The following PLEKHA5 variants were observed in gnomAD, a reference collection of about 807,000 sequenced individuals.
PLEKHA5 encodes the protein pleckstrin homology domain-containing family A member 5.
PLEKHA5 carries 55 observed loss-of-function variants against 181.9 expected under a neutral mutation model. That is an observed-to-expected ratio of 0.30 (90% CI 0.24 to 0.38). The LOEUF (loss-of-function observed/expected upper bound fraction) is 0.38, where lower values mean the gene tolerates loss of function less well. PLEKHA5 is among the 10% of genes least tolerant of loss of function. The pLI is 1.00. For missense variants in PLEKHA5, 1,432 were observed against 1,549.5 expected (o/e 0.92, Z 1.27); for synonymous variants, 535 against 529.4 (o/e 1.01, Z -0.15).
chr12:19,370,116 C>T (rs1048788432), intron 31 of PLEKHA5, among the ~76,000 whole-genome samples: 2 of 152,206 alleles, frequency 1.3e-5, no homozygotes, highest in African/African-American at 4.8e-5. Context: ...CTTTCCATAG[C>T]GACCTGAGAA....
chr12:19,164,875 G>A (rs903663409), intron 3 of PLEKHA5, among the ~76,000 whole-genome samples: 1 of 151,726 alleles, frequency 6.6e-6, no homozygotes, highest in African/African-American at 2.4e-5. Context: ...TTCTACTTGC[G>A]GATGTCACAG....
chr12:19,134,659 T>C (rs2035070338), intron 3 of PLEKHA5, among the ~76,000 whole-genome samples: 1 of 152,166 alleles, frequency 6.6e-6, no homozygotes, highest in South Asian at 2.1e-4. Flanking sequence ...TCTAATAGGA[T>C]AGGGGCACTA....
chr12:19,300,995 A>G (rs947516806), intron 15 of PLEKHA5, among the ~76,000 whole-genome samples: 1 of 138,916 alleles, frequency 7.2e-6, no homozygotes, highest in Non-Finnish European at 1.6e-5. Flanking sequence ...AAAAAAAAAT[A>G]CAAAATTAGC....
At chr12:19,350,405 G>A (rs1363473945) in intron 25 of PLEKHA5, among the ~76,000 whole-genome samples, 2 of 152,176 alleles carry the variant, frequency 1.3e-5, no homozygotes. Flanking sequence ...AGAAAAATAA[G>A]TGCTTATCAT....
intron 29 of PLEKHA5, among the ~76,000 whole-genome samples, chr12:19,362,020 G>C (rs1191183711): frequency 2.6e-5 from 4 of 151,208 alleles, no homozygotes; most frequent in Admixed American, 2.6e-4. Context: ...AAAAAAATTA[G>C]CCAGGCATGG....
chr12:19,161,972 A>G (rs1018395869), intron 3 of PLEKHA5, among the ~76,000 whole-genome samples: 7 of 152,208 alleles, frequency 4.6e-5, no homozygotes, highest in African/African-American at 1.4e-4. Flanking sequence ...GGGTATCTGC[A>G]ATAACTGTAA....
chr12:19,309,554 G>A (rs1250283272), intron 15 of PLEKHA5, among the ~76,000 whole-genome samples: 2 of 151,926 alleles, frequency 1.3e-5, no homozygotes, highest in Admixed American at 1.3e-4. Context: ...TCAGGTGATC[G>A]AGATCAGCCT....
chr12:19,279,495 C>T (rs1972742), intron 11 of PLEKHA5, among the ~76,000 whole-genome samples: 151,491 of 151,964 alleles, frequency 1, 75,510 homozygotes, highest in Middle Eastern at 1. Flanking sequence ...AAACCCTGTC[C>T]CTACTAAAAA....
intron 3 of PLEKHA5, among the ~76,000 whole-genome samples, chr12:19,147,435 G>C (rs553792393): frequency 6.6e-6 from 1 of 152,218 alleles, no homozygotes; most frequent in African/African-American, 2.4e-5. Flanking sequence ...TCAAGGTGTT[G>C]TAACGTTAGG....
At chr12:19,233,916 A>G (rs906845362) in intron 3 of PLEKHA5, among the ~76,000 whole-genome samples, 2 of 152,210 alleles carry the variant, frequency 1.3e-5, no homozygotes, top group Non-Finnish European at 2.9e-5. Flanking sequence ...GCTCTCACGA[A>G]GTAGTGGAGC....
chr12:19,153,540 C>T (rs1056986735), intron 3 of PLEKHA5: 1 of 152,118 alleles, frequency 6.6e-6, no homozygotes, highest in Non-Finnish European at 1.5e-5. Context: ...TTTACCCCCT[C>T]CCCCACTGTG....
intron 3 of PLEKHA5, chr12:19,200,799 C>A (rs2054010842): frequency 2.0e-6 from 1 of 501,310 alleles, no homozygotes; most frequent in Non-Finnish European, 2.6e-6. Flanking sequence ...AGATAGATAG[C>A]TATATGTAAG....
intron 3 of PLEKHA5, among the ~76,000 whole-genome samples, chr12:19,174,463 C>T (rs555566128): frequency 3.9e-5 from 6 of 152,230 alleles, no homozygotes; most frequent in Admixed American, 1.3e-4. Flanking sequence ...TTAACATATA[C>T]TTAAATGTTA....
At chr12:19,279,267 A>G (rs114117685) in intron 11 of PLEKHA5, among the ~76,000 whole-genome samples, 1,526 of 152,268 alleles carry the variant, frequency 0.01, 29 homozygotes, top group African/African-American at 0.035. Context: ...TAAAAAATCA[A>G]AAAGTTTAGG....
chr12:19,172,687 C>G (rs1279020044), intron 3 of PLEKHA5, among the ~76,000 whole-genome samples: 1 of 152,160 alleles, frequency 6.6e-6, no homozygotes, highest in Non-Finnish European at 1.5e-5. Context: ...TATATACGAA[C>G]TCATTGGATC....
At chr12:19,278,376 C>A (rs534830162) in intron 11 of PLEKHA5, among the ~76,000 whole-genome samples, 1 of 152,056 alleles carries the variant, frequency 6.6e-6, no homozygotes, top group Non-Finnish European at 1.5e-5. Context: ...TATTTTTGAA[C>A]TATAATTTAG....
intron 3 of PLEKHA5, among the ~76,000 whole-genome samples, chr12:19,216,989 G>A (rs2058090624): frequency 6.6e-6 from 1 of 152,098 alleles, no homozygotes; most frequent in South Asian, 2.1e-4. Context: ...TTTTGATTGT[G>A]TTTTATAGTC....
intron 20 of PLEKHA5, among the ~76,000 whole-genome samples, chr12:19,327,528 T>C (rs2092337404): frequency 6.6e-6 from 1 of 152,050 alleles, no homozygotes; most frequent in Admixed American, 6.6e-5. Context: ...GCGAGTATTT[T>C]CTCTCATTCT....
rs1039080995 is a variant in PLEKHA5, at chr12:19,181,628, T to G, written c.227+49178T>G. On this transcript the variant is annotated intron_variant, in intron 3 of 31. Transcript: ENST00000429027. ...CGTCTCTACTAAAAATACAAAAAAT[T>G]AGCCGGGTGTGGTTGCAGGCGCCTG... is the stretch of plus-strand genomic sequence containing the variant. Among the ~76,000 whole-genome samples, 12 of 152,088 alleles carry G rather than the reference T, an allele frequency of 7.9e-5. No individual in the cohort carries two copies. The South Asian group carries it at 2.5e-3, about 32-fold the overall frequency.
Sources: allele counts gnomAD v4.1 joint callset (sites outside exome capture counted in the v4.1 genomes callset), GRCh38; gene constraint gnomAD v4.1.1; transcripts MANE v1.5; gene names NCBI Gene and HGNC (gene_info 2026-07-23, HGNC 2026-07-21).